Variants in ADGRB3 observed in about 807,000 individuals in gnomAD.
The protein encoded by ADGRB3 is adhesion G protein-coupled receptor B3.
A neutral mutation model predicts 193.4 loss-of-function variants in ADGRB3; 37 were observed. That is an observed-to-expected ratio of 0.19 (90% CI 0.15 to 0.25). The LOEUF (loss-of-function observed/expected upper bound fraction) is 0.25. ADGRB3 is among the 10% of genes least tolerant of loss of function. ADGRB3 has a pLI of 1.00. For synonymous variants in ADGRB3, 690 were observed against 644.2 expected, an observed-to-expected ratio of 1.07 and a Z score of -1.08; for missense variants, 1,637 against 1,852.9, an observed-to-expected ratio of 0.88 and a Z score of 2.14.
intron 3 of ADGRB3, among the ~76,000 whole-genome samples, chr6:68,680,946 G>T (rs539463825): frequency 1.3e-5 from 2 of 152,240 alleles, no homozygotes; most frequent in Non-Finnish European, 2.9e-5. Context: ...AATACTGGAG[G>T]TTGAGTAATT....
Position 68,758,494 on chromosome 6 carries a change from C to T in ADGRB3, c.757+119062C>T, listed in dbSNP as rs113913310. On this transcript the variant is annotated intron_variant, in intron 3 of 31. Transcript: ENST00000370598. ...TGTGTCCCTTTCTTTGTAAAAATTT[C>T]CAGTTGTACTGCATTTCCTCCTAAT... Among the ~76,000 whole-genome samples the T allele has an allele frequency of 2.6e-3, 399 of 152,244 alleles. 1 individual carries two copies. Among genetic ancestry groups the T allele is most frequent in the African/African-American group, 9.1e-3 (380 of 41,566 alleles).
chr6:68,821,161 A>C (rs146877177), intron 3 of ADGRB3, among the ~76,000 whole-genome samples: 2 of 152,108 alleles, frequency 1.3e-5, no homozygotes, highest in Non-Finnish European at 2.9e-5. Context: ...AAAATACTTT[A>C]TAAATATTAA....
At chr6:69,251,096 G>A (rs1046392735) in intron 20 of ADGRB3, among the ~76,000 whole-genome samples, 10 of 152,140 alleles carry the variant, frequency 6.6e-5, no homozygotes, top group African/African-American at 2.4e-4. Context: ...TGTACCTGTT[G>A]CCCTGGTGCA....
intron 20 of ADGRB3, among the ~76,000 whole-genome samples, chr6:69,314,940 A>G (rs1295663876): frequency 6.6e-6 from 1 of 151,498 alleles, no homozygotes; most frequent in East Asian, 1.9e-4. Flanking sequence ...GGTAACCTCA[A>G]TTTGCACGTG....
intron 17 of ADGRB3, among the ~76,000 whole-genome samples, chr6:69,172,533 G>A (rs1447720635): frequency 1.3e-5 from 2 of 150,430 alleles, no homozygotes; most frequent in African/African-American, 2.4e-5. Flanking sequence ...AGTCCCAGCT[G>A]CTCGGGAGGC....
At chr6:69,135,743 C>T (rs1441889808) in intron 17 of ADGRB3, among the ~76,000 whole-genome samples, 1 of 151,898 alleles carries the variant, frequency 6.6e-6, no homozygotes, top group Non-Finnish European at 1.5e-5. Context: ...TTATCAAAAG[C>T]CTGCCTGAAA....
rs1245047938 is a variant in ADGRB3, at chr6:68,635,329, C to G, written c.-859C>G. ...CGAGACAGAGCTTTACTATCTCGCT[C>G]CCTCTCGCGCCTCCCTCCTCGCTGG... On this transcript the variant is annotated 5_prime_UTR_variant, in exon 1 of 32. Transcript: ENST00000370598. The G allele has an allele frequency of 2.0e-5, 3 of 151,742 alleles. No homozygotes were observed. Among genetic ancestry groups the G allele is most frequent in the South Asian group, 4.2e-4 (2 of 4,814 alleles). 9.4% of individuals were successfully genotyped at this position (151,742 alleles called of 1,614,324 possible). A position where few individuals can be genotyped will look rare whatever the true frequency, so the allele number is the denominator to read the frequency against.
At chr6:68,924,044 A>G (rs1474927681) in intron 3 of ADGRB3, among the ~76,000 whole-genome samples, 3 of 152,036 alleles carry the variant, frequency 2.0e-5, no homozygotes, top group Non-Finnish European at 4.4e-5. Flanking sequence ...CGACAACAAA[A>G]AATATCCAAC....
intron 3 of ADGRB3, among the ~76,000 whole-genome samples, chr6:68,856,607 T>C (rs1764992102): frequency 6.6e-6 from 1 of 152,182 alleles, no homozygotes; most frequent in South Asian, 2.1e-4. Flanking sequence ...AGAAGAAATT[T>C]CTAAACAGCA....
chr6:68,999,584 G>A (rs1043716193), intron 11 of ADGRB3, among the ~76,000 whole-genome samples: 1 of 152,042 alleles, frequency 6.6e-6, no homozygotes, highest in Non-Finnish European at 1.5e-5. Flanking sequence ...TTTCTCATCT[G>A]ACTTATGTTT....
chr6:68,852,519 G>A (rs901143471), intron 3 of ADGRB3, among the ~76,000 whole-genome samples: 2 of 151,868 alleles, frequency 1.3e-5, no homozygotes, highest in Non-Finnish European at 2.9e-5. Flanking sequence ...TTTAGCTATA[G>A]CTGAAAAGCT....
chr6:69,216,095 A>G (rs560983351), intron 17 of ADGRB3, among the ~76,000 whole-genome samples: 2 of 152,174 alleles, frequency 1.3e-5, no homozygotes, highest in Non-Finnish European at 2.9e-5. Context: ...TAAATATTAT[A>G]ATGGTTTTGG....
At chr6:69,235,158 T>C (rs377569893) in intron 19 of ADGRB3, 23 bp downstream of exon 19, 69 of 1,476,330 alleles carry the variant, frequency 4.7e-5, no homozygotes, top group Middle Eastern at 1.7e-4. Context: ...TTGATAGACC[T>C]GAAATGCAAT....
chr6:69,089,679 C>T (rs989752107), intron 17 of ADGRB3, among the ~76,000 whole-genome samples: 1 of 152,208 alleles, frequency 6.6e-6, no homozygotes, highest in African/African-American at 2.4e-5. Flanking sequence ...GGATGTACTT[C>T]ACCTCCTGTA....
chr6:68,765,207 T>C (rs546059167), intron 3 of ADGRB3, among the ~76,000 whole-genome samples: 1 of 152,170 alleles, frequency 6.6e-6, no homozygotes, highest in Admixed American at 6.6e-5. Flanking sequence ...CTCTTTATAA[T>C]GTTGAATAGC....
intron 17 of ADGRB3, among the ~76,000 whole-genome samples, chr6:69,218,643 C>T (rs1228523238): frequency 2.0e-5 from 3 of 152,098 alleles, no homozygotes; most frequent in African/African-American, 7.2e-5. Context: ...TTGTGCTTGA[C>T]TTTCTATAGA....
intron 20 of ADGRB3, among the ~76,000 whole-genome samples, chr6:69,312,081 A>G (rs1196487784): frequency 2.6e-5 from 4 of 151,708 alleles, no homozygotes; most frequent in Admixed American, 2.0e-4. Context: ...ACTTCTGCCA[A>G]TGGAAGTGGA....
rs951206530 is a variant in ADGRB3 at position 69,331,719 on chromosome 6, C to T, written c.3102+1147C>T. The T allele has an allele frequency of 8.1e-6, 8 of 984,970 alleles. No individual in the cohort carries two copies. The African/African-American group carries it at 1.4e-4, about 17-fold the overall frequency. The allele number at this position is 984,970 out of a possible 1,614,324, so 61.0% of individuals were successfully genotyped here. A position where few individuals can be genotyped will look rare whatever the true frequency, so the allele number is the denominator to read the frequency against. On this transcript the variant is annotated intron_variant, in intron 23 of 31. Transcript: ENST00000370598. ...ATTTCCCTAAGCTTCTAGGTTAATG[C>T]CAATATAACACTAAAATGAAGAAAC...
intron 3 of ADGRB3, among the ~76,000 whole-genome samples, chr6:68,862,688 G>T (rs1053464962): frequency 6.6e-6 from 1 of 152,010 alleles, no homozygotes; most frequent in Non-Finnish European, 1.5e-5. Context: ...TTAGTTTAAA[G>T]GTCTGATATA....
Sources: gnomAD v4.1 joint callset for allele counts (sites outside exome capture counted in the v4.1 genomes callset) on GRCh38, gnomAD v4.1.1 for gene constraint, MANE v1.5 for transcripts, NCBI Gene and HGNC (gene_info 2026-07-23, HGNC 2026-07-21) for gene names.